Variants in CD86 observed in about 807,000 individuals in gnomAD.
CD86 encodes the protein CD86 molecule, also known as T-lymphocyte activation antigen CD86.
A neutral mutation model predicts 32.1 loss-of-function variants in CD86; 11 were observed. The ratio of observed to expected loss-of-function variants is 0.34; its 90% CI spans 0.22 to 0.57. The LOEUF is 0.57. Ranked by LOEUF, CD86 falls within the 20% of genes least tolerant of loss-of-function variation. CD86 has a pLI of 0.86. For synonymous variants in CD86, 137 were observed against 135.3 expected (o/e 1.01, Z -0.09); for missense variants, 359 against 398.4 (o/e 0.90, Z 0.84).
intron 5 of CD86, among the ~76,000 whole-genome samples, chr3:122,116,286 A>T (rs1421234607): frequency 6.6e-6 from 1 of 152,220 alleles, no homozygotes; most frequent in Non-Finnish European, 1.5e-5. Flanking sequence ...ACATATTGCT[A>T]CTCATTAGTA....
chr3:122,096,592 C>G (rs2072912018), intron 2 of CD86, among the ~76,000 whole-genome samples: 1 of 152,194 alleles, frequency 6.6e-6, no homozygotes, highest in Non-Finnish European at 1.5e-5. Flanking sequence ...TGATCCAACA[C>G]TAACTCAAAT....
At chr3:122,093,758 C>A (rs2072864548) in intron 2 of CD86, among the ~76,000 whole-genome samples, 1 of 152,236 alleles carries the variant, frequency 6.6e-6, no homozygotes, top group Admixed American at 6.5e-5. Context: ...TAAATATTAA[C>A]TCATTTGAGC....
intron 1 of CD86, among the ~76,000 whole-genome samples, chr3:122,081,314 G>A (rs535361806): frequency 1.4e-4 from 21 of 152,228 alleles, no homozygotes; most frequent in South Asian, 8.3e-4. Context: ...TCAGAAAGTC[G>A]TCAAAGAATA....
rs182349647 is a variant in CD86, at chr3:122,090,514, G to A, written c.15-1087G>A. ...TTATGTCCCCCTCAGTGCAAATTGG[G>A]CAGATTTCTAGGGCAAGCATTTAGC... On this transcript the variant is annotated intron_variant, in intron 1 of 6. Transcript: ENST00000330540. 1.4e-4 allele frequency among the ~76,000 whole-genome samples: 21 copies of A among 152,304 alleles called. 1 individual carries two copies. The highest frequency in any genetic ancestry group is 1.3e-3 in the Admixed American group (20 of 15,304).
intron 5 of CD86, among the ~76,000 whole-genome samples, chr3:122,115,014 T>C (rs942932741): frequency 9.9e-5 from 15 of 152,284 alleles, no homozygotes; most frequent in African/African-American, 3.4e-4. Context: ...CTGGAGGTCA[T>C]AGCCAGAGAA....
At chr3:122,103,462 T>C (rs1451320669) in intron 2 of CD86, 50 bp from the exon 3 acceptor site, 3 of 1,254,842 alleles carry the variant, frequency 2.4e-6, no homozygotes, top group Non-Finnish European at 3.4e-6. Context: ...GGAGGTTTTT[T>C]CCCCTTTCCT....
chr3:122,106,374 G>A lies in CD86; in HGVS notation c.577G>A (p.Val193Ile). The change falls in exon 4 of 7, where the codon GTC becomes ATC. Residue 193 changes from valine to isoleucine, a missense_variant. By Grantham distance (29) the Val-to-Ile change is conservative. Transcript: ENST00000330540. ...TGTTATGCAGAAATCTCAAGATAATGTCACAGAACTGTACGACGTTTCCAT... is the reference window on the plus strand; with the variant it reads ...TGTTATGCAGAAATCTCAAGATAATATCACAGAACTGTACGACGTTTCCAT... ...DGVMQKSQDN[V>I]TELYDVSISL... The A allele has an allele frequency of 6.2e-7, 1 of 1,614,096 alleles. No individual in the cohort carries two copies. The highest frequency in any genetic ancestry group is 1.3e-5 in the African/African-American group (1 of 75,038).
At chr3:122,105,553 AG>A in intron 3 of CD86, among the ~76,000 whole-genome samples, 1 of 152,336 alleles carries the variant, frequency 6.6e-6, no homozygotes, top group East Asian at 1.9e-4. Flanking sequence ...AGAATGGCAA[AG>A]GCAAGAGAAA....
chr3:122,118,110 A>G lies in CD86; in HGVS notation c.893+17A>G. The G allele has an allele frequency of 4.7e-6, 7 of 1,476,102 alleles. No individual in the cohort carries two copies. Among genetic ancestry groups the G allele is most frequent in the Non-Finnish European group, 6.3e-6 (7 of 1,117,710 alleles). The allele number at this position is 1,476,102 out of a possible 1,614,324, so 91.4% of individuals were successfully genotyped here. A position where few individuals can be genotyped will look rare whatever the true frequency, so the allele number is the denominator to read the frequency against. On this transcript the variant is annotated intron_variant, in intron 6 of 6. Transcript: ENST00000330540. ...CAAGAAAAGGTAAATCCTGACCCTG[A>G]GACATTGATGAGAGAGAGGTATAAT...
intron 1 of CD86, among the ~76,000 whole-genome samples, chr3:122,058,790 T>G (rs1448916650): frequency 6.6e-6 from 1 of 152,006 alleles, no homozygotes; most frequent in Non-Finnish European, 1.5e-5. Flanking sequence ...GAATGAAAAC[T>G]GATTTGGAGT....
chr3:122,060,492 G>T (rs1347474101), intron 1 of CD86, among the ~76,000 whole-genome samples: 1 of 152,070 alleles, frequency 6.6e-6, no homozygotes, highest in Non-Finnish European at 1.5e-5. Flanking sequence ...CATTTTAAAG[G>T]TTAAACAGAG....
intron 2 of CD86, among the ~76,000 whole-genome samples, chr3:122,098,589 G>A (rs2072945962): frequency 6.6e-6 from 1 of 152,212 alleles, no homozygotes; most frequent in Non-Finnish European, 1.5e-5. Context: ...GGCATCAGAG[G>A]CTTCTGAACA....
At chr3:122,060,917 A>G (rs761431523) in intron 1 of CD86, among the ~76,000 whole-genome samples, 19 of 152,334 alleles carry the variant, frequency 1.2e-4, no homozygotes, top group Admixed American at 1.0e-3. Context: ...AATTTACATC[A>G]ATAAACAGAA....
chr3:122,117,976 C>T, intron 5 of CD86, 72 bp from the exon 6 acceptor site: 2 of 1,292,210 alleles, frequency 1.5e-6, no homozygotes, highest in South Asian at 2.5e-5. Context: ...AACTTTGAAG[C>T]CTTTTCAAAC....
chr3:122,081,158 G>C (rs755348718), intron 1 of CD86, among the ~76,000 whole-genome samples: 37 of 152,074 alleles, frequency 2.4e-4, no homozygotes, highest in Non-Finnish European at 5.0e-4. Context: ...CTTGCTCCTT[G>C]CTTTACTTAT....
At chr3:122,087,478 CT>C (rs1553752458) in intron 1 of CD86, among the ~76,000 whole-genome samples, 2 of 152,148 alleles carry the variant, frequency 1.3e-5, no homozygotes, top group Non-Finnish European at 2.9e-5. Flanking sequence ...GAGAAACTGG[CT>C]TCCTAACCCA....
intron 3 of CD86, among the ~76,000 whole-genome samples, chr3:122,104,641 G>T (rs1481573444): frequency 1.3e-5 from 2 of 152,098 alleles, no homozygotes; most frequent in African/African-American, 4.8e-5. Flanking sequence ...CATAACCCTT[G>T]TTGGGCATCC....
At chr3:122,093,238 C>T (rs550451348) in intron 2 of CD86, among the ~76,000 whole-genome samples, 2 of 152,272 alleles carry the variant, frequency 1.3e-5, no homozygotes, top group East Asian at 3.9e-4. Flanking sequence ...CTCACTGTGG[C>T]CTCGATTACC....
rs549985537 is a variant in CD86, at chr3:122,091,864, C to A, written c.64+214C>A. 5.4e-6 allele frequency: 3 copies of A among 551,138 alleles called. No individual in the cohort carries two copies. The East Asian group carries it at 9.1e-5, about 17-fold the overall frequency. The allele number at this position is 551,138 out of a possible 1,614,324, so 34.1% of individuals were successfully genotyped here. A position where few individuals can be genotyped will look rare whatever the true frequency, so the allele number is the denominator to read the frequency against. ...GCAGCTGGGATGGAGCTCTCCCCCC[C>A]GTGTGCTTCTTCCTCCTCTGCAGTC... is the stretch of plus-strand genomic sequence containing the variant. On this transcript the variant is annotated intron_variant, in intron 2 of 6. Coordinates refer to ENST00000330540, the MANE Select transcript of CD86 (RefSeq NM_175862.5).
Sources: gnomAD v4.1 joint callset for allele counts (sites outside exome capture counted in the v4.1 genomes callset) on GRCh38, gnomAD v4.1.1 for gene constraint, MANE v1.5 for transcripts, NCBI Gene and HGNC (gene_info 2026-07-23, HGNC 2026-07-21) for gene names.